The following UNC5C variants were observed in gnomAD, a reference collection of about 807,000 sequenced individuals.
The protein encoded by UNC5C is unc-5 netrin receptor C, also known as netrin receptor UNC5C.
Under a neutral mutation model 99.8 loss-of-function variants are expected in UNC5C, and 47 were observed. That is an observed-to-expected ratio of 0.47 (90% CI 0.37 to 0.60). The LOEUF is 0.60. UNC5C is among the 20% of genes least tolerant of loss of function. The pLI, the probability that UNC5C is intolerant of heterozygous loss-of-function variation, is 0.00. For missense variants in UNC5C, 1,062 were observed against 1,165.9 expected (o/e 0.91, Z 1.30); for synonymous variants, 487 against 452.2 (o/e 1.08, Z -0.98).
intron 1 of UNC5C, among the ~76,000 whole-genome samples, chr4:95,407,269 G>C (rs1745857049): frequency 6.6e-6 from 1 of 152,012 alleles, no homozygotes; most frequent in African/African-American, 2.4e-5. Flanking sequence ...TGGGATACGA[G>C]GGCACTAAAA....
chr4:95,214,897 C>T (rs1738195491), intron 10 of UNC5C, among the ~76,000 whole-genome samples: 1 of 152,134 alleles, frequency 6.6e-6, no homozygotes, highest in Non-Finnish European at 1.5e-5. Context: ...TGTTGCTTTG[C>T]ATTGGGAATG....
intron 1 of UNC5C, among the ~76,000 whole-genome samples, chr4:95,490,933 C>T (rs1201609560): frequency 2.0e-5 from 3 of 151,496 alleles, no homozygotes; most frequent in Admixed American, 1.3e-4. Context: ...TATATAGTTC[C>T]TGTTTTCTGC....
intron 15 of UNC5C, 33 bp downstream of exon 15, chr4:95,170,117 CAGAA>C (rs1315611644): frequency 3.7e-6 from 6 of 1,600,256 alleles, no homozygotes; most frequent in Non-Finnish European, 5.1e-6. Context: ...AGGGCACTAA[CAGAA>C]AGAAGCTAGT....
intron 1 of UNC5C, among the ~76,000 whole-genome samples, chr4:95,361,869 T>G (rs1744404354): frequency 6.6e-6 from 1 of 152,126 alleles, no homozygotes; most frequent in South Asian, 2.1e-4. Flanking sequence ...ATGATTCTAA[T>G]GATCAATCAA....
intron 2 of UNC5C, among the ~76,000 whole-genome samples, chr4:95,334,123 G>A (rs921502057): frequency 3.9e-5 from 6 of 151,972 alleles, no homozygotes; most frequent in African/African-American, 1.4e-4. Context: ...ATGTTATAAA[G>A]AATATGTCCT....
intron 2 of UNC5C, among the ~76,000 whole-genome samples, chr4:95,324,258 T>C (rs1432842819): frequency 6.6e-6 from 1 of 152,038 alleles, no homozygotes; most frequent in Non-Finnish European, 1.5e-5. Context: ...GCACAAACCA[T>C]ATTGTGAACT....
At chr4:95,276,524 G>A (rs779961855) in intron 4 of UNC5C, among the ~76,000 whole-genome samples, 1 of 152,142 alleles carries the variant, frequency 6.6e-6, no homozygotes, top group Non-Finnish European at 1.5e-5. Context: ...GCAAGGATCA[G>A]TTACCTTTTA....
intron 2 of UNC5C, among the ~76,000 whole-genome samples, chr4:95,312,397 A>G (rs1742308306): frequency 1.3e-5 from 2 of 152,212 alleles, no homozygotes; most frequent in African/African-American, 4.8e-5. Flanking sequence ...GTACATATAT[A>G]TAGTTACAAC....
intron 1 of UNC5C, among the ~76,000 whole-genome samples, chr4:95,479,054 C>T (rs937571568): frequency 6.6e-6 from 1 of 151,932 alleles, no homozygotes; most frequent in Admixed American, 6.6e-5. Context: ...GTACGATCTC[C>T]AGAACCATGA....
At chr4:95,411,136 G>C (rs190267747) in intron 1 of UNC5C, among the ~76,000 whole-genome samples, 1 of 152,056 alleles carries the variant, frequency 6.6e-6, no homozygotes, top group Non-Finnish European at 1.5e-5. Flanking sequence ...ACAGCCCCTC[G>C]GGACAAACCA....
At chr4:95,212,876 C>A (rs995475074) in intron 10 of UNC5C, among the ~76,000 whole-genome samples, 1 of 152,152 alleles carries the variant, frequency 6.6e-6, no homozygotes, top group African/African-American at 2.4e-5. Flanking sequence ...CTCTCCATAC[C>A]CTCTCCATTC....
chr4:95,169,421 T>C, intron 15 of UNC5C, 22 bp from the exon 16 acceptor site: 1 of 1,612,660 alleles, frequency 6.2e-7, no homozygotes, highest in Non-Finnish European at 8.5e-7. Context: ...AAAGAGAAAA[T>C]GTGCTCAACA....
chr4:95,285,203 C>T (rs1006738266), intron 3 of UNC5C, among the ~76,000 whole-genome samples: 5 of 152,064 alleles, frequency 3.3e-5, no homozygotes, highest in Admixed American at 6.6e-5. Context: ...TTCTATCCAT[C>T]GTTAAGCACA....
intron 3 of UNC5C, among the ~76,000 whole-genome samples, chr4:95,288,533 A>T (rs1741326681): frequency 6.6e-6 from 1 of 152,228 alleles, no homozygotes; most frequent in Non-Finnish European, 1.5e-5. Context: ...AATTTCCACA[A>T]ACTTCCTGGC....
At chr4:95,171,396 C>G (rs1469021684) in intron 14 of UNC5C, among the ~76,000 whole-genome samples, 1 of 147,616 alleles carries the variant, frequency 6.8e-6, no homozygotes. Flanking sequence ...CCACCTCCCC[C>G]TACCCCACAA....
intron 11 of UNC5C, among the ~76,000 whole-genome samples, chr4:95,204,397 G>C (rs1737798443): frequency 6.6e-6 from 1 of 152,148 alleles, no homozygotes; most frequent in Non-Finnish European, 1.5e-5. Context: ...GAAGTAGGCA[G>C]GGCCACAGAC....
intron 3 of UNC5C, among the ~76,000 whole-genome samples, chr4:95,289,719 A>C (rs887220259): frequency 6.6e-6 from 1 of 152,216 alleles, no homozygotes; most frequent in Non-Finnish European, 1.5e-5. Flanking sequence ...GTCATAGCAG[A>C]CTAGAATTTA....
chr4:95,489,079 C>T lies in UNC5C; in HGVS notation c.124+59655G>A, dbSNP rs1174299839. On this transcript the variant is annotated intron_variant, in intron 1 of 15. Transcript: ENST00000453304. ...GACTAAAGGAAGGGAAGAGGGGAGG[C>T]AGGGAGAGAGGGAGGCAGGAAAGGG... is the stretch of plus-strand genomic sequence containing the variant. Among the ~76,000 whole-genome samples the T allele has an allele frequency of 4.6e-5, 5 of 107,760 alleles. No individual in the cohort carries two copies. In the East Asian group the frequency reaches 1.1e-3, roughly 23 times the overall value. 70.7% of individuals were successfully genotyped at this position (107,760 alleles called of 152,430 possible). A position where few individuals can be genotyped will look rare whatever the true frequency, so the allele number is the denominator to read the frequency against.
intron 12 of UNC5C, among the ~76,000 whole-genome samples, chr4:95,197,104 TTA>T (rs1337595577): frequency 1.5e-5 from 2 of 130,430 alleles, no homozygotes; most frequent in Non-Finnish European, 3.1e-5. Context: ...TATTTATATA[TTA>T]TATATGTAAT....
Sources: allele counts gnomAD v4.1 joint callset (sites outside exome capture counted in the v4.1 genomes callset), GRCh38; gene constraint gnomAD v4.1.1; transcripts MANE v1.5; gene names NCBI Gene and HGNC (gene_info 2026-07-23, HGNC 2026-07-21).